PITPNM3: variants seen among roughly 807,000 people sequenced by gnomAD.
PITPNM3 encodes membrane-associated phosphatidylinositol transfer protein 3.
In PITPNM3, 26 loss-of-function variants were observed where a neutral mutation model predicts 102.0. The observed-to-expected ratio is 0.25, with a 90% CI of 0.19 to 0.35. The LOEUF (loss-of-function observed/expected upper bound fraction) is 0.35. PITPNM3 is among the 10% of genes least tolerant of loss of function. The probability of loss-of-function intolerance (pLI) is 1.00; values close to 1 mark genes in which losing one functional copy is unlikely to be tolerated. For missense variants in PITPNM3, 1,083 were observed against 1,346.1 expected, an observed-to-expected ratio of 0.80 and a Z score of 3.06; for synonymous variants, 578 against 558.6, an observed-to-expected ratio of 1.03 and a Z score of -0.49.
intron 1 of PITPNM3, among the ~76,000 whole-genome samples, chr17:6,544,043 G>A (rs1333251404): frequency 6.6e-6 from 1 of 152,244 alleles, no homozygotes; most frequent in Non-Finnish European, 1.5e-5. Context: ...CAGATAACAC[G>A]TGCAATTTCC....
At chr17:6,551,114 T>C (rs957254875) in intron 1 of PITPNM3, among the ~76,000 whole-genome samples, 1 of 150,950 alleles carries the variant, frequency 6.6e-6, no homozygotes, top group African/African-American at 2.4e-5. Flanking sequence ...TCCCAGCACT[T>C]TGGGAGGCCA....
chr17:6,474,621 A>T lies in PITPNM3; in HGVS notation c.1086-17T>A. On this transcript the variant is annotated splice_polypyrimidine_tract_variant and intron_variant, in intron 9 of 19. Coordinates refer to ENST00000262483, the MANE Select transcript of PITPNM3 (RefSeq NM_031220.4). ...GAGTGGATGCTGCGGAGGGAGGAGGACGCAGGGCAGGGCAGGTCAGGGAAG... is the reference window on the plus strand; with the variant it reads ...GAGTGGATGCTGCGGAGGGAGGAGGTCGCAGGGCAGGGCAGGTCAGGGAAG... 1 of 1,552,920 alleles carries T rather than the reference A, an allele frequency of 6.4e-7. No homozygotes were observed. Among genetic ancestry groups the T allele is most frequent in the Non-Finnish European group, 8.7e-7 (1 of 1,149,096 alleles).
intron 2 of PITPNM3, among the ~76,000 whole-genome samples, chr17:6,529,173 C>T (rs1009236366): frequency 6.6e-6 from 1 of 152,196 alleles, no homozygotes; most frequent in East Asian, 1.9e-4. Context: ...CACAGATTGA[C>T]TCTGACCCTG....
intron 4 of PITPNM3, 146 bp from the exon 5 acceptor site, chr17:6,484,438 CCCAT>C (rs764927557): frequency 2.6e-6 from 2 of 777,228 alleles, no homozygotes; most frequent in Non-Finnish European, 4.5e-6. Flanking sequence ...GGAGAGTCAC[CCCAT>C]CCAGGCCCTG....
At position 6,482,048 on chromosome 17, in the gene PITPNM3, CTCTCTCTCTCTCTCTCTG is replaced by C. The variant is rs1567670416; in HGVS notation, c.587+1451_587+1468del. ...TCTCTCTCTCTCTGTCTGTCTCTCT[CTCTCTCTCTCTCTCTCTG>C]TCTCTCTCTCTCTCTCTCTCTGACA... On this transcript the variant is annotated intron_variant, in intron 6 of 19. Coordinates refer to ENST00000262483, the MANE Select transcript of PITPNM3 (RefSeq NM_031220.4). Among the ~76,000 whole-genome samples the C allele has an allele frequency of 8.0e-3, 821 of 102,932 alleles. 14 individuals carry two copies. Among genetic ancestry groups the C allele is most frequent in the Non-Finnish European group, 0.015 (631 of 42,242 alleles). 67.5% of individuals were successfully genotyped at this position (102,932 alleles called of 152,430 possible).
chr17:6,488,617 C>T (rs889258068), intron 4 of PITPNM3, among the ~76,000 whole-genome samples: 1 of 152,172 alleles, frequency 6.6e-6, no homozygotes, highest in Admixed American at 6.5e-5. Context: ...AAGCATCATC[C>T]ACTGAGAAGC....
At chr17:6,471,699 G>A (rs1905085419) in intron 11 of PITPNM3, among the ~76,000 whole-genome samples, 1 of 152,194 alleles carries the variant, frequency 6.6e-6, no homozygotes, top group South Asian at 2.1e-4. Flanking sequence ...GAGGTCCCAG[G>A]AGTGACTCAT....
chr17:6,492,945 CTA>C (rs1906583790), intron 4 of PITPNM3, among the ~76,000 whole-genome samples: 1 of 152,122 alleles, frequency 6.6e-6, no homozygotes, highest in South Asian at 2.1e-4. Context: ...TACCACTTGC[CTA>C]TTCCCACCCT....
Position 6,455,169 on chromosome 17 carries a change from C to A in PITPNM3, c.*169G>T, listed in dbSNP as rs1222454423. 1 of 857,826 alleles carries A rather than the reference C, an allele frequency of 1.2e-6. No individual in the cohort carries two copies. The highest frequency in any genetic ancestry group is 3.4e-5 in the Admixed American group (1 of 29,752). The allele number at this position is 857,826 out of a possible 1,614,324, so 53.1% of individuals were successfully genotyped here. On this transcript the variant is annotated 3_prime_UTR_variant, in exon 20 of 20. Coordinates refer to ENST00000262483, the MANE Select transcript of PITPNM3 (RefSeq NM_031220.4). ...CCTCACCCCGTCGCAGCTCAGGGAGCCCCCCGGGCTCGGGCAGGATCCCTC... is the reference window on the plus strand; with the variant it reads ...CCTCACCCCGTCGCAGCTCAGGGAGACCCCCGGGCTCGGGCAGGATCCCTC...
Position 6,453,099 on chromosome 17 carries a change from TTCTTTCTCTCTC to T in PITPNM3, c.*2227_*2238del, listed in dbSNP as rs1400671008. The T allele has an allele frequency of 7.0e-6, 1 of 143,630 alleles. No homozygotes were observed. The highest frequency in any genetic ancestry group is 2.1e-4 in the East Asian group (1 of 4,798). The allele number at this position is 143,630 out of a possible 1,614,324, so 8.9% of individuals were successfully genotyped here. ...CTTCCTTTCTTTCCTCTGTCTTCCT[TTCTTTCTCTCTC>T]TCTTTCTCTCTCCCTCTCTCTCTCT... On this transcript the variant is annotated 3_prime_UTR_variant, in exon 20 of 20. Transcript: ENST00000262483.
intron 14 of PITPNM3, among the ~76,000 whole-genome samples, chr17:6,467,416 A>G (rs997174533): frequency 3.9e-5 from 6 of 152,248 alleles, no homozygotes; most frequent in Non-Finnish European, 8.8e-5. Context: ...AAGCTCTAAA[A>G]CTGACCATGG....
chr17:6,461,639 C>A, intron 17 of PITPNM3, 83 bp from the exon 18 acceptor site: 1 of 1,488,700 alleles, frequency 6.7e-7, no homozygotes, highest in Non-Finnish European at 9.4e-7. Flanking sequence ...CCGCAGCTGC[C>A]CTCCTGAGAC....
intron 4 of PITPNM3, among the ~76,000 whole-genome samples, chr17:6,501,993 A>C (rs1482410587): frequency 3.3e-5 from 5 of 151,868 alleles, no homozygotes; most frequent in Admixed American, 3.3e-4. Context: ...TTACACCCCT[A>C]CGAGTGCTCA....
At chr17:6,540,265 G>A (rs1597414234) in intron 1 of PITPNM3, among the ~76,000 whole-genome samples, 1 of 152,188 alleles carries the variant, frequency 6.6e-6, no homozygotes, top group African/African-American at 2.4e-5. Context: ...GGACAGGATT[G>A]GGTGCTCGCA....
At chr17:6,529,738 A>G (rs1376539257) in intron 2 of PITPNM3, among the ~76,000 whole-genome samples, 1 of 152,206 alleles carries the variant, frequency 6.6e-6, no homozygotes, top group Non-Finnish European at 1.5e-5. Context: ...AAGGACCTAG[A>G]TATGCATTGC....
Position 6,464,326 on chromosome 17 carries a change from A to G in PITPNM3, c.2008-8T>C, listed in dbSNP as rs1466693077. The G allele has an allele frequency of 6.2e-7, 1 of 1,613,160 alleles. No homozygotes were observed. ...CATTACTAGGATGTCCACCTGCGGC[A>G]GTGAAGGGGGTCAGGGACTCCCTGA... is the stretch of plus-strand genomic sequence containing the variant. On this transcript the variant is annotated splice_polypyrimidine_tract_variant and splice_region_variant and intron_variant, in intron 15 of 19. Coordinates refer to ENST00000262483, the MANE Select transcript of PITPNM3 (RefSeq NM_031220.4).
At chr17:6,507,046 A>G (rs1365891271) in intron 3 of PITPNM3, among the ~76,000 whole-genome samples, 2 of 151,974 alleles carry the variant, frequency 1.3e-5, no homozygotes, top group Non-Finnish European at 2.9e-5. Context: ...GACATGGTGG[A>G]GTATAAGCAC....
intron 2 of PITPNM3, among the ~76,000 whole-genome samples, chr17:6,536,556 G>A (rs556446517): frequency 6.6e-6 from 1 of 152,232 alleles, no homozygotes; most frequent in East Asian, 1.9e-4. Flanking sequence ...AAGAATGGGG[G>A]ACAGCTCCCC....
rs1904333954 is a variant in PITPNM3, at chr17:6,459,093, C to T, written c.2491-1371G>A. The stretch of plus-strand genomic sequence containing the variant: ...TCTGGCCCTTCCACCTTCTCATTCA[C>T]CTGAGCTCACTCCTATAACTTGGAT... On this transcript the variant is annotated intron_variant, in intron 18 of 19. Transcript: ENST00000262483. This position sits in a 1 kb window ranked among gnomAD's most constrained non-coding sequence, Gnocchi z 5.0. Among the ~76,000 whole-genome samples, 2 of 152,176 alleles carry T rather than the reference C, an allele frequency of 1.3e-5. 1 individual carries two copies. The highest frequency in any genetic ancestry group is 4.1e-4 in the South Asian group (2 of 4,828).
Sources: allele counts gnomAD v4.1 joint callset (sites outside exome capture counted in the v4.1 genomes callset), GRCh38; gene constraint gnomAD v4.1.1; non-coding constraint Gnocchi (gnomAD v3.1); transcripts MANE v1.5; gene names NCBI Gene and HGNC (gene_info 2026-07-23, HGNC 2026-07-21).